The following CREB5 variants were observed in gnomAD, a reference collection of about 807,000 sequenced individuals.
CREB5 encodes the protein cAMP responsive element binding protein 5.
Under a neutral mutation model 57.1 loss-of-function variants are expected in CREB5, and 19 were observed. The ratio of observed to expected loss-of-function variants is 0.33; its 90% CI spans 0.23 to 0.49. CREB5 has a LOEUF of 0.49. CREB5 is among the 20% of genes least tolerant of loss of function. The pLI is 0.99. For missense variants in CREB5, 579 were observed against 671.6 expected (o/e 0.86, Z 1.52); for synonymous variants, 238 against 238.3 (o/e 1.00, Z 0.01).
At chr7:28,792,177 G>A (rs886563004) in intron 7 of CREB5, among the ~76,000 whole-genome samples, 1 of 151,974 alleles carries the variant, frequency 6.6e-6, no homozygotes, top group Non-Finnish European at 1.5e-5. Context: ...GGTTACAATC[G>A]CCTGTAATCC....
At chr7:28,443,806 C>T (rs1789305236) in intron 1 of CREB5, among the ~76,000 whole-genome samples, 1 of 152,114 alleles carries the variant, frequency 6.6e-6, no homozygotes. Context: ...ATGATGATGA[C>T]TCTTTGGGAC....
intron 5 of CREB5, among the ~76,000 whole-genome samples, chr7:28,680,740 C>T (rs1333319152): frequency 7.1e-6 from 1 of 140,810 alleles, no homozygotes; most frequent in African/African-American, 2.7e-5. Flanking sequence ...GCCTAGGCAA[C>T]AGAACAAGAC....
chr7:28,502,099 G>A (rs932328863), intron 3 of CREB5, among the ~76,000 whole-genome samples: 2 of 152,136 alleles, frequency 1.3e-5, no homozygotes, highest in African/African-American at 4.8e-5. Context: ...TCCCATTGTA[G>A]CACTGCCTTT....
intron 7 of CREB5, among the ~76,000 whole-genome samples, chr7:28,733,005 G>A (rs985289534): frequency 6.6e-6 from 1 of 152,096 alleles, no homozygotes; most frequent in African/African-American, 2.4e-5. Flanking sequence ...TGAATAAGAT[G>A]AATCATTAGC....
chr7:28,561,942 C>T (rs751312731), intron 4 of CREB5, among the ~76,000 whole-genome samples: 5 of 152,154 alleles, frequency 3.3e-5, no homozygotes, highest in South Asian at 4.1e-4. Flanking sequence ...GATGGGTTTT[C>T]GCCATGTTGG....
chr7:28,393,965 C>T (rs1008656845), intron 1 of CREB5, among the ~76,000 whole-genome samples: 7 of 149,638 alleles, frequency 4.7e-5, no homozygotes, highest in African/African-American at 1.7e-4. Context: ...GTCCCAGTTA[C>T]TGGGGAGGCT....
chr7:28,668,278 A>C (rs1205535643), intron 5 of CREB5, among the ~76,000 whole-genome samples: 7 of 152,348 alleles, frequency 4.6e-5, no homozygotes, highest in Non-Finnish European at 1.0e-4. Context: ...ACTAATAAAA[A>C]GAGTATAGCA....
chr7:28,364,568 C>T (rs928095617), intron 1 of CREB5, among the ~76,000 whole-genome samples: 1 of 152,158 alleles, frequency 6.6e-6, no homozygotes, highest in African/African-American at 2.4e-5. Context: ...CCTCCTGGGC[C>T]CTCCATCATG....
chr7:28,758,374 T>C (rs1435326368), intron 7 of CREB5, among the ~76,000 whole-genome samples: 2 of 152,230 alleles, frequency 1.3e-5, no homozygotes, highest in African/African-American at 2.4e-5. Context: ...AGGTTTGTTG[T>C]CACTGTTGTT....
intron 1 of CREB5, among the ~76,000 whole-genome samples, chr7:28,331,868 G>T (rs1005181739): frequency 7.1e-6 from 1 of 140,710 alleles, no homozygotes; most frequent in African/African-American, 2.6e-5. Context: ...AAAAAAAAAA[G>T]CTTCTTTCAT....
At chr7:28,349,453 C>T (rs982305736) in intron 1 of CREB5, among the ~76,000 whole-genome samples, 1 of 151,720 alleles carries the variant, frequency 6.6e-6, no homozygotes, top group South Asian at 2.1e-4. Context: ...ATCTAGTATC[C>T]CGTTGTGGTG....
intron 1 of CREB5, among the ~76,000 whole-genome samples, chr7:28,391,325 A>G (rs901116549): frequency 6.6e-6 from 1 of 152,248 alleles, no homozygotes; most frequent in Non-Finnish European, 1.5e-5. Flanking sequence ...AGTGTGGCAC[A>G]TAAGCACTTC....
intron 5 of CREB5, among the ~76,000 whole-genome samples, chr7:28,704,952 C>A (rs1045532515): frequency 1.3e-5 from 2 of 152,160 alleles, no homozygotes; most frequent in Admixed American, 6.5e-5. Flanking sequence ...TATTCATATT[C>A]AAAGCCATAT....
intron 5 of CREB5, chr7:28,685,857 G>A (rs1800866963): frequency 3.0e-6 from 1 of 335,466 alleles, no homozygotes; most frequent in East Asian, 5.0e-5. Flanking sequence ...TCCGAGCCTG[G>A]AACTCAGCCT....
chr7:28,308,666 G>A (rs79272777), intron 1 of CREB5, among the ~76,000 whole-genome samples: 3,377 of 152,006 alleles, frequency 0.022, 108 homozygotes, highest in African/African-American at 0.077. Flanking sequence ...CCAGTCCCCC[G>A]GCACAACCCC....
At chr7:28,710,882 C>T (rs1802367990) in intron 5 of CREB5, among the ~76,000 whole-genome samples, 1 of 152,074 alleles carries the variant, frequency 6.6e-6, no homozygotes, top group African/African-American at 2.4e-5. Context: ...ATAAATGTTC[C>T]TAGAGAAATG....
In CREB5 at chr7:28,530,255, G is replaced by A. The variant is rs77637188; in HGVS notation, c.291+22518G>A. 1.8e-3 allele frequency among the ~76,000 whole-genome samples: 266 copies of A among 149,996 alleles called. 8 individuals are homozygous for A. The East Asian group carries it at 0.045, about 25-fold the overall frequency. ...CAACCCACATTGGTTTTCCTCGCCC[G>A]TCAGATAAGAGGAGCCATGCTTGAC... On this transcript the variant is annotated intron_variant, in intron 4 of 10. Transcript: ENST00000357727.
At chr7:28,367,700 C>T (rs138050312) in intron 1 of CREB5, among the ~76,000 whole-genome samples, 3,435 of 152,118 alleles carry the variant, frequency 0.023, 112 homozygotes, top group African/African-American at 0.077. Context: ...CCCAGCTACT[C>T]GGGAGGCTGA....
chr7:28,477,340 C>T (rs570724241), intron 1 of CREB5, among the ~76,000 whole-genome samples: 7 of 152,296 alleles, frequency 4.6e-5, no homozygotes, highest in Non-Finnish European at 8.8e-5. Context: ...CCACTGGGTG[C>T]TGCCTGCACC....
Sources: allele counts gnomAD v4.1 joint callset (sites outside exome capture counted in the v4.1 genomes callset), GRCh38; gene constraint gnomAD v4.1.1; transcripts MANE v1.5; gene names NCBI Gene and HGNC (gene_info 2026-07-23, HGNC 2026-07-21).